The following ZNF701 variants were observed in gnomAD, a reference collection of about 807,000 sequenced individuals.
ZNF701 encodes the protein zinc finger protein 701.
ZNF701 carries 6 observed loss-of-function variants against 7.1 expected under a neutral mutation model. That is an observed-to-expected ratio of 0.84 (90% CI 0.46 to 1.66). The LOEUF (loss-of-function observed/expected upper bound fraction) is 1.66. ZNF701 is among the 40% of genes most tolerant of loss of function. The pLI, the probability that ZNF701 is intolerant of heterozygous loss-of-function variation, is 0.01. For synonymous variants in ZNF701, 166 were observed against 188.2 expected, an observed-to-expected ratio of 0.88 and a Z score of 0.97; for missense variants, 541 against 559.2, an observed-to-expected ratio of 0.97 and a Z score of 0.33.
rs1049812461 is a variant in ZNF701, at chr19:52,585,214, C to G, written c.*1757C>G. On this transcript the variant is annotated 3_prime_UTR_variant, in exon 4 of 4. Coordinates refer to ENST00000391785, the MANE Select transcript of ZNF701 (RefSeq NM_018260.3). ...TTCCTTCTCAAAACCCTTCCCGACC[C>G]GTCCTCCCGCCTCGCGCTGTTTCAG... is the stretch of plus-strand genomic sequence containing the variant. 1 of 152,406 alleles carries G rather than the reference C, an allele frequency of 6.6e-6. No homozygotes were observed. Among genetic ancestry groups the G allele is most frequent in the Admixed American group, 6.5e-5 (1 of 15,278 alleles). 9.4% of individuals were successfully genotyped at this position (152,406 alleles called of 1,614,324 possible).
chr19:52,598,421 A>G, the ZNF701 span, among the ~76,000 whole-genome samples: 1 of 151,536 alleles, frequency 6.6e-6, no homozygotes, highest in Non-Finnish European at 1.5e-5. Flanking sequence ...TGTCTGGGGC[A>G]GGGTGGGGGA....
downstream of ZNF701, among the ~76,000 whole-genome samples, chr19:52,589,726 C>A (rs931947277): frequency 2.0e-5 from 3 of 152,104 alleles, no homozygotes; most frequent in Non-Finnish European, 4.4e-5. Context: ...AAATTTTTGG[C>A]CATTAATATC....
chr19:52,582,320 C>T lies in ZNF701; in HGVS notation c.261C>T (p.Phe87=). 1 of 1,613,896 alleles carries T rather than the reference C, an allele frequency of 6.2e-7. No homozygotes were observed. Among genetic ancestry groups the T allele is most frequent in the Non-Finnish European group, 8.5e-7 (1 of 1,179,948 alleles). Residue 87 remains phenylalanine, a synonymous_variant, in exon 4 of 4, where the codon TTC becomes TTT. Coordinates refer to ENST00000391785, the MANE Select transcript of ZNF701 (RefSeq NM_018260.3). ...GTCATCACATTGGAGATACTTGCTTCCAGGAAATTGAGAAAGATATTCATG... is the reference window on the plus strand; with the variant it reads ...GTCATCACATTGGAGATACTTGCTTTCAGGAAATTGAGAAAGATATTCATG... ...HASHHIGDTC[F]QEIEKDIHDF...
Position 52,584,539 on chromosome 19 carries a change from T to C in ZNF701, c.*1082T>C, listed in dbSNP as rs2059996722. 6.6e-6 allele frequency: 1 copy of C among 152,452 alleles called. No homozygotes were observed. Among genetic ancestry groups the C allele is most frequent in the South Asian group, 2.1e-4 (1 of 4,834 alleles). The allele number at this position is 152,452 out of a possible 1,614,324, so 9.4% of individuals were successfully genotyped here. ...TGAATCTGAATCACATTGGCTTATA[T>C]AATAACAATATTGATTTTTCCAAAC... On this transcript the variant is annotated 3_prime_UTR_variant, in exon 4 of 4. Transcript: ENST00000391785.
chr19:52,589,967 T>C (rs537495272), downstream of ZNF701, among the ~76,000 whole-genome samples: 21 of 152,240 alleles, frequency 1.4e-4, no homozygotes, highest in African/African-American at 5.1e-4. Context: ...CTAATTGTTA[T>C]ATTTTTCATA....
chr19:52,597,023 CAA>C, the ZNF701 span: 2 of 1,232,086 alleles, frequency 1.6e-6, no homozygotes, highest in Non-Finnish European at 1.2e-6. Flanking sequence ...ATGATTGTCA[CAA>C]AGTCTTCAGT....
chr19:52,575,113 G>GTGCT (rs2059924975), intron 2 of ZNF701, among the ~76,000 whole-genome samples: 1 of 152,086 alleles, frequency 6.6e-6, no homozygotes, highest in Admixed American at 6.6e-5. Flanking sequence ...GGGACTACAG[G>GTGCT]CACCCCCCAC....
chr19:52,598,539 G>A, the ZNF701 span: 4 of 152,096 alleles, frequency 2.6e-5, no homozygotes, highest in African/African-American at 9.7e-5. Context: ...TGTTTGAGTG[G>A]ATAATGGAAA....
At chr19:52,575,357 C>T (rs1420088792) in intron 2 of ZNF701, among the ~76,000 whole-genome samples, 1 of 152,100 alleles carries the variant, frequency 6.6e-6, no homozygotes, top group Non-Finnish European at 1.5e-5. Context: ...CATATATACA[C>T]ACACACATAT....
At chr19:52,578,337 A>G (rs2059950812) in intron 3 of ZNF701, among the ~76,000 whole-genome samples, 1 of 151,906 alleles carries the variant, frequency 6.6e-6, no homozygotes, top group Admixed American at 6.6e-5. Context: ...TTGGCTACCT[A>G]AAAGGCAAGG....
downstream of ZNF701, among the ~76,000 whole-genome samples, chr19:52,591,590 G>A (rs1275089016): frequency 6.6e-6 from 1 of 152,110 alleles, no homozygotes; most frequent in Non-Finnish European, 1.5e-5. Flanking sequence ...TGGGGCTCAA[G>A]CAATTCTCCT....
chr19:52,571,349 G>A (rs948096042), intron 1 of ZNF701, among the ~76,000 whole-genome samples: 5 of 151,982 alleles, frequency 3.3e-5, no homozygotes, highest in African/African-American at 7.2e-5. Context: ...TGGGGATCTG[G>A]GGTGCTAGAG....
In ZNF701 at chr19:52,585,542, A is replaced by G. The variant is rs1461585779; in HGVS notation, c.*2085A>G. 7.0e-6 allele frequency: 1 copy of G among 142,316 alleles called. No individual in the cohort carries two copies. The highest frequency in any genetic ancestry group is 1.5e-5 in the Non-Finnish European group (1 of 66,084). 8.8% of individuals were successfully genotyped at this position (142,316 alleles called of 1,614,324 possible). A position where few individuals can be genotyped will look rare whatever the true frequency, so the allele number is the denominator to read the frequency against. ...GTTTCCAGGTAGATGGATATTAAAC[A>G]TAGAATTGAAGAAAAAAAAAAAAAC... On this transcript the variant is annotated 3_prime_UTR_variant, in exon 4 of 4. Transcript: ENST00000391785.
chr19:52,576,974 A>T (rs2059938731), intron 3 of ZNF701, among the ~76,000 whole-genome samples: 1 of 151,338 alleles, frequency 6.6e-6, no homozygotes, highest in Admixed American at 6.6e-5. Context: ...TGGAAGCTCC[A>T]CCTTCAAATA....
chr19:52,593,231 T>TC, the ZNF701 span, among the ~76,000 whole-genome samples: 1 of 117,518 alleles, frequency 8.5e-6, no homozygotes, highest in East Asian at 2.2e-4. Flanking sequence ...TCCCCACCTT[T>TC]CCCCCCTTTC....
downstream of ZNF701, among the ~76,000 whole-genome samples, chr19:52,588,350 G>A (rs1196288016): frequency 6.6e-6 from 1 of 151,916 alleles, no homozygotes; most frequent in Non-Finnish European, 1.5e-5. Context: ...GCTGGGCCTG[G>A]CAGCGCATGC....
chr19:52,595,277 C>CTTTTTT, the ZNF701 span, among the ~76,000 whole-genome samples: 1 of 147,760 alleles, frequency 6.8e-6, no homozygotes, highest in Non-Finnish European at 1.5e-5. Context: ...ACCATCTGTA[C>CTTTTTT]TTTTTTTTTT....
rs1214260878 is a variant in ZNF701 at position 52,582,611 on chromosome 19, A to G, written c.552A>G (p.Pro184=). 6.2e-7 allele frequency: 1 copy of G among 1,614,080 alleles called. No individual in the cohort carries two copies. The highest frequency in any genetic ancestry group is 1.3e-5 in the African/African-American group (1 of 75,002). ...CATCCCAACGAATTTCCTGTAGGCCAAAAACTCGTATTTCTAATAAGTATA... is the reference window on the plus strand; with the variant it reads ...CATCCCAACGAATTTCCTGTAGGCCGAAAACTCGTATTTCTAATAAGTATA... The part of the protein sequence containing the change: ...VSASQRISCR[P]KTRISNKYRN... The change falls in exon 4 of 4, where the codon CCA becomes CCG. Residue 184 remains proline, a synonymous_variant. Coordinates refer to ENST00000391785, the MANE Select transcript of ZNF701 (RefSeq NM_018260.3).
chr19:52,582,843 AG>A lies in ZNF701; in HGVS notation c.785del (p.Arg262AsnfsTer25). 6.2e-7 allele frequency: 1 copy of A among 1,614,228 alleles called. No individual in the cohort carries two copies. The highest frequency in any genetic ancestry group is 8.5e-7 in the Non-Finnish European group (1 of 1,180,032). Reference protein sequence around the residue: ...FHQKRYLACHRCHTGENPYTC... With the variant: ...FHQKRYLACHXCHTGENPYTC... The stretch of plus-strand genomic sequence containing the variant: ...TCAGAAGCGATACCTTGCATGCCAT[AG>A]ATGTCACACTGGTGAGAATCCTTAC... On this transcript the variant is annotated frameshift_variant, in exon 4 of 4. Transcript: ENST00000391785. LOFTEE classifies it low-confidence loss of function (END_TRUNC).
Sources: allele counts gnomAD v4.1 joint callset (sites outside exome capture counted in the v4.1 genomes callset), GRCh38; gene constraint gnomAD v4.1.1; transcripts MANE v1.5; gene names NCBI Gene and HGNC (gene_info 2026-07-23, HGNC 2026-07-21).